The following ELF4 variants were observed in gnomAD, a reference collection of about 807,000 sequenced individuals.
ELF4 encodes the protein E74 like ETS transcription factor 4.
Under a neutral mutation model 31.7 loss-of-function variants are expected in ELF4, and 10 were observed. The ratio of observed to expected loss-of-function variants is 0.32; its 90% CI spans 0.19 to 0.54. ELF4 has a LOEUF of 0.54. Among genes scored for constraint, ELF4 ranks in the 20% least tolerant of loss-of-function variants. The pLI, the probability that ELF4 is intolerant of heterozygous loss-of-function variation, is 0.95. For synonymous variants in ELF4, 208 were observed against 226.7 expected, an observed-to-expected ratio of 0.92 and a Z score of 0.74; for missense variants, 418 against 522.0, an observed-to-expected ratio of 0.80 and a Z score of 1.94.
chrX:130,070,530 G>A (rs756545797), intron 7 of ELF4, among the ~76,000 whole-genome samples: 4 of 108,922 alleles, frequency 3.7e-5, no homozygotes, highest in Admixed American at 9.9e-5. Flanking sequence ...AGCCGAGATC[G>A]TGCCACTGCA....
upstream of ELF4, chrX:130,110,585 C>T (rs1263013496): frequency 1.8e-5 from 2 of 110,095 alleles, no homozygotes; most frequent in Non-Finnish European, 3.8e-5. Flanking sequence ...TCTTCCCCGC[C>T]CGCCTGCCCC....
intron 2 of ELF4, among the ~76,000 whole-genome samples, chrX:130,078,758 T>TA (rs1224894698): frequency 3.7e-4 from 31 of 84,507 alleles, no homozygotes; most frequent in African/African-American, 1.3e-3. Context: ...ACTCTCTCTC[T>TA]CTCTACACAC....
Position 130,092,304 on chromosome X carries a change from C to T in ELF4, c.-209-10765G>A, listed in dbSNP as rs780537350. On this transcript the variant is annotated intron_variant, in intron 1 of 8. Coordinates refer to ENST00000308167, the MANE Select transcript of ELF4 (RefSeq NM_001421.4). ...CCAGGGGTTTCAGCAGTTTCCCCTT[C>T]GGGGCCTGCTGGCCCTCCCAGCCCC... Among the ~76,000 whole-genome samples the T allele has an allele frequency of 1.8e-3, 208 of 113,338 alleles. 2 individuals are homozygous for T. Among genetic ancestry groups the T allele is most frequent in the African/African-American group, 5.7e-3 (178 of 31,294 alleles).
At position 130,108,208 on chromosome X, in the gene ELF4, C is replaced by CA. The variant is rs1264200270; in HGVS notation, c.-210+2116dup. Among the ~76,000 whole-genome samples, 838 of 88,030 alleles carry CA rather than the reference C, an allele frequency of 9.5e-3. 32 individuals carry two copies. The highest frequency in any genetic ancestry group is 0.084 in the Admixed American group (648 of 7,701). 76.4% of individuals were successfully genotyped at this position (88,030 alleles called of 115,157 possible). A position where few individuals can be genotyped will look rare whatever the true frequency, so the allele number is the denominator to read the frequency against. On this transcript the variant is annotated intron_variant, in intron 1 of 8. Transcript: ENST00000308167. ...GGGCAACAAGAGTGAAACTCCATCT[C>CA]AAAAAAAAAAAAAGAACTGGAGGTA...
At chrX:130,109,668 C>T (rs1933439854) in intron 1 of ELF4, among the ~76,000 whole-genome samples, 1 of 112,174 alleles carries the variant, frequency 8.9e-6, no homozygotes, top group African/African-American at 3.2e-5. Flanking sequence ...GCGGTCACCG[C>T]CTCAGCAGTC....
chrX:130,068,000 CAG>C (rs1362365234), intron 8 of ELF4, among the ~76,000 whole-genome samples: 3 of 111,353 alleles, frequency 2.7e-5, no homozygotes, highest in African/African-American at 9.8e-5. Context: ...TTAGTAGAGA[CAG>C]AGTTTCACCA....
Position 130,066,046 on chromosome X carries a change from A to G in ELF4, c.*675T>C, listed in dbSNP as rs1932662612. ...GTCCCTGAGGAGCGCATCTTCCCCAATGTGCATGCGCATCAAAGCGTTCCT... is the reference window on the plus strand; with the variant it reads ...GTCCCTGAGGAGCGCATCTTCCCCAGTGTGCATGCGCATCAAAGCGTTCCT... On this transcript the variant is annotated 3_prime_UTR_variant, in exon 9 of 9. Coordinates refer to ENST00000308167, the MANE Select transcript of ELF4 (RefSeq NM_001421.4). The G allele has an allele frequency of 1.1e-5, 2 of 174,561 alleles. No individual in the cohort carries two copies. Among genetic ancestry groups the G allele is most frequent in the East Asian group, 1.6e-4 (2 of 12,290 alleles). 14.4% of individuals were successfully genotyped at this position (174,561 alleles called of 1,213,427 possible). A position where few individuals can be genotyped will look rare whatever the true frequency, so the allele number is the denominator to read the frequency against.
chrX:130,078,050 CT>C (rs1251760622), intron 2 of ELF4, among the ~76,000 whole-genome samples: 87 of 101,173 alleles, frequency 8.6e-4, no homozygotes, highest in Admixed American at 1.2e-3. Context: ...TTTTTCTTTT[CT>C]TTTTTTTTTT....
At chrX:130,073,341 C>T (rs776376246) in intron 4 of ELF4, among the ~76,000 whole-genome samples, 2 of 111,449 alleles carry the variant, frequency 1.8e-5, no homozygotes, top group South Asian at 7.5e-4. Flanking sequence ...CCCGCCTCAG[C>T]CTCCCAAAGT....
chrX:130,100,566 A>C (rs1933235499), intron 1 of ELF4, among the ~76,000 whole-genome samples: 2 of 111,267 alleles, frequency 1.8e-5, no homozygotes, highest in African/African-American at 3.3e-5. Flanking sequence ...CTTTTTGGCT[A>C]ATCAAATAGT....
At position 130,065,039 on chromosome X, in the gene ELF4, G is replaced by A. The variant is rs1932629745; in HGVS notation, c.*1682C>T. The A allele has an allele frequency of 5.8e-6, 1 of 172,226 alleles. No homozygotes were observed. Among genetic ancestry groups the A allele is most frequent in the African/African-American group, 3.0e-5 (1 of 33,792 alleles). 14.2% of individuals were successfully genotyped at this position (172,226 alleles called of 1,213,427 possible). ...AACACAGTGCCCTCCAGGGGGCAGGGAGAAGAAGAGTAGGAGAGGGTGATA... is the reference window on the plus strand; with the variant it reads ...AACACAGTGCCCTCCAGGGGGCAGGAAGAAGAAGAGTAGGAGAGGGTGATA... On this transcript the variant is annotated 3_prime_UTR_variant, in exon 9 of 9. Transcript: ENST00000308167.
intron 2 of ELF4, among the ~76,000 whole-genome samples, chrX:130,076,058 G>T (rs1163153843): frequency 8.9e-6 from 1 of 111,771 alleles, no homozygotes; most frequent in Non-Finnish European, 1.9e-5. Flanking sequence ...ACGCCTATCA[G>T]GGAGTCAAAA....
At chrX:130,098,316 AG>A (rs1933187016) in intron 1 of ELF4, among the ~76,000 whole-genome samples, 1 of 112,239 alleles carries the variant, frequency 8.9e-6, no homozygotes, top group Admixed American at 9.5e-5. Flanking sequence ...GGTGCTGCTA[AG>A]GAAGCTAACT....
At chrX:130,101,862 C>T (rs1404447547) in intron 1 of ELF4, among the ~76,000 whole-genome samples, 5 of 111,927 alleles carry the variant, frequency 4.5e-5, no homozygotes, top group Admixed American at 2.8e-4. Flanking sequence ...CCAGACTGGG[C>T]GCAGTGGCTC....
Position 130,066,818 on chromosome X carries a change from G to T in ELF4, c.1895C>A (p.Thr632Asn). The T allele has an allele frequency of 4.1e-6, 5 of 1,209,398 alleles. No homozygotes were observed. The highest frequency in any genetic ancestry group is 5.6e-6 in the Non-Finnish European group (5 of 893,934). Residue 632 changes from threonine (T) to asparagine (N), a missense_variant, in exon 9 of 9, where the codon ACC becomes AAC. Physicochemically the swap from Thr to Asn is moderately conservative, Grantham distance 65. Around this residue, in one of 4 missense-constraint regions of ELF4, gnomAD observed 260 missense variants for 269.2 expected, o/e 0.97. Transcript: ENST00000308167. ...GSLLMAEPSV[T>N]TSGSLLTRSP... is the part of the protein sequence containing the mutation. The stretch of plus-strand genomic sequence containing the variant: ...TCTTGTCAGAAGGCTCCCAGATGTG[G>T]TCACACTAGGCTCAGCCATCAGCAG...
Position 130,066,250 on chromosome X carries a change from A to G in ELF4, c.*471T>C. The G allele has an allele frequency of 1.1e-5, 2 of 185,376 alleles. No homozygotes were observed. Among genetic ancestry groups the G allele is most frequent in the Non-Finnish European group, 2.0e-5 (2 of 97,567 alleles). 15.3% of individuals were successfully genotyped at this position (185,376 alleles called of 1,213,427 possible). A position where few individuals can be genotyped will look rare whatever the true frequency, so the allele number is the denominator to read the frequency against. ...CGGAGACATACACACACCCTTGGAGACAAGACCTCACAGCTACAGCCCTGT... is the reference window on the plus strand; with the variant it reads ...CGGAGACATACACACACCCTTGGAGGCAAGACCTCACAGCTACAGCCCTGT... On this transcript the variant is annotated 3_prime_UTR_variant, in exon 9 of 9. Coordinates refer to ENST00000308167, the MANE Select transcript of ELF4 (RefSeq NM_001421.4).
intron 8 of ELF4, among the ~76,000 whole-genome samples, chrX:130,067,784 G>A (rs1932720915): frequency 9.0e-6 from 1 of 111,025 alleles, no homozygotes. Context: ...TGGGACTACA[G>A]GTGTGTGCCA....
intron 8 of ELF4, 28 bp from the exon 9 acceptor site, chrX:130,067,553 T>C (rs767662203): frequency 7.5e-6 from 9 of 1,194,723 alleles, no homozygotes; most frequent in Non-Finnish European, 1.0e-5. Flanking sequence ...ACAGAGTTGG[T>C]TAAGGCAGGA....
In ELF4 at chrX:130,065,613, C is replaced by G; in HGVS notation, c.*1108G>C. ...GAGCAGGAATGGGGGTGGACCCCAT[C>G]TAGGTCGCTGCCGGACTAGCCGCAG... is the stretch of plus-strand genomic sequence containing the variant. On this transcript the variant is annotated 3_prime_UTR_variant, in exon 9 of 9. Transcript: ENST00000308167. 5.7e-6 allele frequency: 1 copy of G among 176,066 alleles called. No homozygotes were observed. Among genetic ancestry groups the G allele is most frequent in the African/African-American group, 2.9e-5 (1 of 34,596 alleles). 14.5% of individuals were successfully genotyped at this position (176,066 alleles called of 1,213,427 possible).
Sources: gnomAD v4.1 joint callset for allele counts (sites outside exome capture counted in the v4.1 genomes callset) on GRCh38, gnomAD v4.1.1 for gene constraint, gnomAD v4.1.1 regional missense constraint, MANE v1.5 for transcripts, NCBI Gene and HGNC (gene_info 2026-07-23, HGNC 2026-07-21) for gene names.